Variants in WIPF3 observed in about 807,000 individuals in gnomAD.
The protein encoded by WIPF3 is WAS/WASL-interacting protein family member 3.
In WIPF3, 33 loss-of-function variants were observed where a neutral mutation model predicts 38.9. That is an observed-to-expected ratio of 0.85 (90% CI 0.64 to 1.14). The LOEUF (loss-of-function observed/expected upper bound fraction) is 1.14, where lower values mean the gene tolerates loss of function less well. WIPF3 is among the 50% of genes most tolerant of loss of function. WIPF3 has a pLI of 0.00. For synonymous variants in WIPF3, 324 were observed against 269.3 expected, an observed-to-expected ratio of 1.20 and a Z score of -1.99; for missense variants, 711 against 652.5, an observed-to-expected ratio of 1.09 and a Z score of -0.98.
Position 29,823,243 on chromosome 7 carries a change from A to G in WIPF3, c.-57-11425A>G, listed in dbSNP as rs983721280. ...GCCAGAGAAGCCTTTTCTAGTGTGC[A>G]CTGTAAGCTTTGAGAACCCAACATT... On this transcript the variant is annotated intron_variant, in intron 1 of 8. Coordinates refer to ENST00000242140, the MANE Select transcript of WIPF3 (RefSeq NM_001080529.3). The surrounding 1 kb of genome is among the most constrained non-coding windows in gnomAD (Gnocchi z 4.0). Among the ~76,000 whole-genome samples, 1 of 152,104 alleles carries G rather than the reference A, an allele frequency of 6.6e-6. No individual in the cohort carries two copies. Among genetic ancestry groups the G allele is most frequent in the Non-Finnish European group, 1.5e-5 (1 of 68,020 alleles).
chr7:29,821,114 C>G (rs1583590469), intron 1 of WIPF3, among the ~76,000 whole-genome samples: 1 of 152,108 alleles, frequency 6.6e-6, no homozygotes, highest in South Asian at 2.1e-4. Flanking sequence ...TCAAGAAACA[C>G]ACATTTTGCA....
rs576981709 is a variant in WIPF3 at position 29,814,517 on chromosome 7, G to A, written c.-58+7839G>A. Among the ~76,000 whole-genome samples, 17 of 152,360 alleles carry A rather than the reference G, an allele frequency of 1.1e-4. No individual in the cohort carries two copies. In the South Asian group the frequency reaches 3.5e-3, roughly 32 times the overall value. ...GCATTGCATGGACTGTGCAGAGACT[G>A]ATGTGCTTGTCGAAGGCTGGGGGAG... is the stretch of plus-strand genomic sequence containing the variant. On this transcript the variant is annotated intron_variant, in intron 1 of 8. Coordinates refer to ENST00000242140, the MANE Select transcript of WIPF3 (RefSeq NM_001080529.3).
chr7:29,828,786 G>A (rs1479107605), intron 1 of WIPF3, among the ~76,000 whole-genome samples: 1 of 152,244 alleles, frequency 6.6e-6, no homozygotes, highest in Non-Finnish European at 1.5e-5. Context: ...GGATGCTGGG[G>A]AAGGAGTTCC....
chr7:29,811,146 C>T (rs1489509622), intron 1 of WIPF3, among the ~76,000 whole-genome samples: 1 of 152,088 alleles, frequency 6.6e-6, no homozygotes, highest in Non-Finnish European at 1.5e-5. Context: ...CTGCCTCAGC[C>T]TCCCAAAGTG....
intron 7 of WIPF3, among the ~76,000 whole-genome samples, chr7:29,892,941 C>T (rs367550666): frequency 3.5e-4 from 53 of 152,080 alleles, no homozygotes; most frequent in Admixed American, 3.9e-4. Context: ...GGCGGACGCC[C>T]GTAATCCCAG....
At chr7:29,856,216 C>T (rs117777931) in intron 2 of WIPF3, among the ~76,000 whole-genome samples, 1 of 152,074 alleles carries the variant, frequency 6.6e-6, no homozygotes, top group African/African-American at 2.4e-5. Context: ...CCTTTGTATT[C>T]TATTCCCTAT....
intron 1 of WIPF3, among the ~76,000 whole-genome samples, chr7:29,830,099 T>TA (rs1554342826): frequency 1.9e-5 from 2 of 107,358 alleles, no homozygotes; most frequent in East Asian, 4.8e-4. Flanking sequence ...TTATTGTATC[T>TA]GGAAAAAAAA....
intron 8 of WIPF3, among the ~76,000 whole-genome samples, chr7:29,913,345 C>CAAAA (rs1161222562): frequency 1.3e-5 from 1 of 74,596 alleles, no homozygotes; most frequent in Non-Finnish European, 2.8e-5. Flanking sequence ...AACTCCGTCT[C>CAAAA]AAAAAAAAAA....
At chr7:29,881,749 T>C (rs550546994) in intron 4 of WIPF3, among the ~76,000 whole-genome samples, 1 of 152,316 alleles carries the variant, frequency 6.6e-6, no homozygotes, top group Admixed American at 6.5e-5. Flanking sequence ...CTGGAGAACA[T>C]TCAGATTTGA....
chr7:29,820,396 G>T (rs951684159), intron 1 of WIPF3, among the ~76,000 whole-genome samples: 2 of 152,034 alleles, frequency 1.3e-5, no homozygotes, highest in Admixed American at 1.3e-4. Context: ...CTATTTATGT[G>T]TATTGATATG....
intron 1 of WIPF3, among the ~76,000 whole-genome samples, chr7:29,831,380 T>G (rs1488715958): frequency 6.6e-6 from 1 of 152,220 alleles, no homozygotes; most frequent in Non-Finnish European, 1.5e-5. Flanking sequence ...TTACTCAGTC[T>G]GCAGATTCAA....
At chr7:29,859,958 C>T (rs1366159360) in intron 2 of WIPF3, among the ~76,000 whole-genome samples, 2 of 152,038 alleles carry the variant, frequency 1.3e-5, no homozygotes, top group African/African-American at 4.8e-5. Flanking sequence ...TGAGAATTGG[C>T]CTTGAGACAC....
In WIPF3 at chr7:29,840,007, A is replaced by G. The variant is rs76872117; in HGVS notation, c.90+5193A>G. On this transcript the variant is annotated intron_variant, in intron 2 of 8. Transcript: ENST00000242140. Reference sequence around the variant, plus strand: ...CTTTTCTCTTTTGTTATATAAGTATATACATTATATTCTAGATTTTTGCCT... The same window carrying G: ...CTTTTCTCTTTTGTTATATAAGTATGTACATTATATTCTAGATTTTTGCCT... 2.4e-4 allele frequency among the ~76,000 whole-genome samples: 36 copies of G among 152,344 alleles called. No individual in the cohort carries two copies. In the East Asian group the frequency reaches 6.7e-3, roughly 29 times the overall value.
rs1481637681 is a variant in WIPF3 at position 29,879,160 on chromosome 7, G to A, written c.355+20G>A. On this transcript the variant is annotated intron_variant, in intron 4 of 8. Transcript: ENST00000242140. The stretch of plus-strand genomic sequence containing the variant: ...TAGCAGGTAAGGAAGAATTCATTCT[G>A]GCTCCCTTGTGGTCTGTATCTCCTT... The A allele has an allele frequency of 2.5e-6, 4 of 1,605,388 alleles. No individual in the cohort carries two copies. The highest frequency in any genetic ancestry group is 3.4e-6 in the Non-Finnish European group (4 of 1,174,540).
chr7:29,904,247 T>C, intron 7 of WIPF3, 39 bp from the exon 8 acceptor site: 1 of 1,603,838 alleles, frequency 6.2e-7, no homozygotes, highest in Non-Finnish European at 8.5e-7. Context: ...ACCCGGTCCC[T>C]GGGCCAATAG....
intron 2 of WIPF3, among the ~76,000 whole-genome samples, chr7:29,849,232 A>C (rs1785051378): frequency 6.6e-6 from 1 of 152,038 alleles, no homozygotes; most frequent in Non-Finnish European, 1.5e-5. Context: ...TGACATATGC[A>C]ATAGTTTGGG....
intron 1 of WIPF3, among the ~76,000 whole-genome samples, chr7:29,816,074 A>G (rs1305351498): frequency 6.6e-6 from 1 of 152,188 alleles, no homozygotes; most frequent in Non-Finnish European, 1.5e-5. Context: ...CCTAATTCGG[A>G]TAGTTCAAAA....
At chr7:29,880,978 C>T (rs1785702881) in intron 4 of WIPF3, among the ~76,000 whole-genome samples, 1 of 152,170 alleles carries the variant, frequency 6.6e-6, no homozygotes, top group Non-Finnish European at 1.5e-5. Context: ...TCCACTCACA[C>T]TATCCTCCTT....
At chr7:29,912,828 A>G (rs1786529025) in intron 8 of WIPF3, among the ~76,000 whole-genome samples, 1 of 152,240 alleles carries the variant, frequency 6.6e-6, no homozygotes, top group South Asian at 2.1e-4. Flanking sequence ...CACAAAAGAC[A>G]GACACCATAT....
Sources: allele counts gnomAD v4.1 joint callset (sites outside exome capture counted in the v4.1 genomes callset), GRCh38; gene constraint gnomAD v4.1.1; non-coding constraint Gnocchi (gnomAD v3.1); transcripts MANE v1.5; gene names NCBI Gene and HGNC (gene_info 2026-07-23, HGNC 2026-07-21).